NEB: variants seen among roughly 807,000 people sequenced by gnomAD.
NEB encodes the protein nebulin.
A neutral mutation model predicts 952.2 loss-of-function variants in NEB; 512 were observed. The observed-to-expected ratio is 0.54, with a 90% CI of 0.50 to 0.58. NEB has a LOEUF of 0.58. Ranked by LOEUF, NEB falls within the 20% of genes least tolerant of loss-of-function variation. The probability of loss-of-function intolerance (pLI) is 0.00; values close to 1 mark genes in which losing one functional copy is unlikely to be tolerated. For synonymous variants in NEB, 2,900 were observed against 3,149.8 expected (o/e 0.92, Z 2.66); for missense variants, 8,428 against 9,231.1 (o/e 0.91, Z 3.56).
intron 129 of NEB, 137 bp from the exon 130 acceptor site, chr2:151,549,877 G>A: frequency 2.0e-5 from 12 of 611,312 alleles, no homozygotes; most frequent in African/African-American, 1.8e-5. Context: ...TTGATTTCAG[G>A]AGAGAATTAA....
At chr2:151,524,200 C>T (rs2083931103) in intron 153 of NEB, 111 bp downstream of exon 153, 3 of 884,960 alleles carry the variant, frequency 3.4e-6, no homozygotes, top group Non-Finnish European at 5.3e-6. Context: ...CTTTGCAGTA[C>T]TATTACAGAC....
At chr2:151,712,350 T>C (rs570993272) in intron 10 of NEB, among the ~76,000 whole-genome samples, 51 of 152,312 alleles carry the variant, frequency 3.3e-4, no homozygotes, top group Non-Finnish European at 5.7e-4. Flanking sequence ...ATTGCATATG[T>C]AGATTTGTTA....
At chr2:151,564,952 A>G in intron 117 of NEB, 92 bp downstream of exon 117, 1 of 701,916 alleles carries the variant, frequency 1.4e-6, no homozygotes, top group South Asian at 2.1e-5. Context: ...TTGGCTTATA[A>G]GTTCAGCAGT....
Position 151,717,498 on chromosome 2 carries a change from GC to G in NEB, c.739del (p.Ala247LeufsTer16), listed in dbSNP as rs2150350376. 6.2e-7 allele frequency: 1 copy of G among 1,613,808 alleles called. No homozygotes were observed. Among genetic ancestry groups the G allele is most frequent in the South Asian group, 1.1e-5 (1 of 91,022 alleles). ...LSDVAYKKGL[A>X]EQQAQFTPLA... ...AGGCGTGAATTGAGCTTGCTGTTCA[GC>G]GAGACCTTTTTTGTAGGCAACCTGA... On this transcript the variant is annotated frameshift_variant, in exon 10 of 182. Transcript: ENST00000397345. LOFTEE classifies it high-confidence loss of function.
At chr2:151,499,431 T>C in intron 168 of NEB, 41 bp from the exon 169 acceptor site, 3 of 1,115,406 alleles carry the variant, frequency 2.7e-6, no homozygotes, top group Non-Finnish European at 4.0e-6. Flanking sequence ...ACAAGAGCAG[T>C]CAAAACAGCC....
At chr2:151,656,510 A>G (rs770539084) in intron 48 of NEB, 46 bp from the exon 49 acceptor site, 1 of 1,293,256 alleles carries the variant, frequency 7.7e-7, no homozygotes, top group Non-Finnish European at 1.0e-6. Context: ...TCCTTTGACT[A>G]AAAATCGATC....
At chr2:151,675,724 C>T (rs1008815708) in intron 34 of NEB, among the ~76,000 whole-genome samples, 1 of 152,088 alleles carries the variant, frequency 6.6e-6, no homozygotes, top group African/African-American at 2.4e-5. Context: ...GTTAATAGCT[C>T]TTCCATTTTT....
At chr2:151,716,747 C>T (rs2099760219) in intron 10 of NEB, among the ~76,000 whole-genome samples, 1 of 152,088 alleles carries the variant, frequency 6.6e-6, no homozygotes, top group Non-Finnish European at 1.5e-5. Context: ...AACAAACTGA[C>T]ACTCATCTCC....
chr2:151,684,959 T>C lies in NEB; in HGVS notation c.2654A>G (p.Asp885Gly), dbSNP rs766674333. 6.2e-7 allele frequency: 1 copy of C among 1,608,284 alleles called. No homozygotes were observed. The highest frequency in any genetic ancestry group is 8.5e-7 in the Non-Finnish European group (1 of 1,177,022). Residue 885 changes from aspartate to glycine, a missense_variant, in exon 28 of 182, where the codon GAT becomes GGT. Physicochemically the swap from Asp to Gly is moderately conservative, Grantham distance 94. This residue lies in a region of NEB where 2,851 missense variants were observed against 2,791.5 expected (regional missense o/e 1.02). Transcript: ENST00000397345. The part of the protein sequence containing the change: ...KNQSDREYRK[D>G]YEKSKTIYTA... Reference sequence around the variant, plus strand: ...GTAGATAGTTTTTGACTTTTCATAATCTTTTCGATATTCGCGCTGTGAATA... The same window carrying C: ...GTAGATAGTTTTTGACTTTTCATAACCTTTTCGATATTCGCGCTGTGAATA...
In NEB at chr2:151,512,281, AC is replaced by A. The variant is rs924927335; in HGVS notation, c.23346+451del. 9.3e-5 allele frequency among the ~76,000 whole-genome samples: 14 copies of A among 151,156 alleles called. No homozygotes were observed. The East Asian group carries it at 9.7e-4, about 10-fold the overall frequency. Reference sequence around the variant, plus strand: ...GATCTCCTGACCTTGTGATCCACCCACCTCGGCCTCCCAAAGTGCTGGGAAT... The same window carrying A: ...GATCTCCTGACCTTGTGATCCACCCACTCGGCCTCCCAAAGTGCTGGGAAT... On this transcript the variant is annotated intron_variant, in intron 161 of 181. Coordinates refer to ENST00000397345, the MANE Select transcript of NEB (RefSeq NM_001164508.2).
chr2:151,509,357 T>C (rs1294099748), intron 161 of NEB, among the ~76,000 whole-genome samples: 1 of 151,646 alleles, frequency 6.6e-6, no homozygotes, highest in Non-Finnish European at 1.5e-5. Context: ...GGGAAAAGAA[T>C]AGAAACAATC....
chr2:151,499,388 C>A lies in NEB; in HGVS notation c.24024G>T (p.Val8008=), dbSNP rs2062732152. 1 of 1,518,030 alleles carries A rather than the reference C, an allele frequency of 6.6e-7. No homozygotes were observed. 94.0% of individuals were successfully genotyped at this position (1,518,030 alleles called of 1,614,324 possible). Residue 8008 remains valine (V), a splice_region_variant and synonymous_variant, in exon 169 of 182, where the codon GTG becomes GTT. Transcript: ENST00000397345. The part of the protein sequence containing the change: ...VKLNQENFSS[V]LYKENVGKGI... ...CTTTTCCAACGTTTTCTTTATACAA[C>A]ACCTGTATGACACAAGAAAGCATCC...
chr2:151,552,216 C>A (rs1354215463), intron 128 of NEB, among the ~76,000 whole-genome samples: 1 of 152,104 alleles, frequency 6.6e-6, no homozygotes, highest in African/African-American at 2.4e-5. Context: ...TCCTTACGTC[C>A]CCATTTTATG....
At chr2:151,552,315 C>A (rs1240554295) in intron 128 of NEB, among the ~76,000 whole-genome samples, 1 of 152,184 alleles carries the variant, frequency 6.6e-6, no homozygotes, top group Non-Finnish European at 1.5e-5. Flanking sequence ...CTCCACAACT[C>A]TAACTCCAGA....
chr2:151,505,577 A>T lies in NEB; in HGVS notation c.23650-7T>A, dbSNP rs771206029. ...TTGCTTCCTTATACTTCACCTGCAG[A>T]TTTAAAAATGGGAAAAGAAAGGTAT... is the stretch of plus-strand genomic sequence containing the variant. On this transcript the variant is annotated splice_polypyrimidine_tract_variant and splice_region_variant and intron_variant, in intron 164 of 181. Coordinates refer to ENST00000397345, the MANE Select transcript of NEB (RefSeq NM_001164508.2). 5 of 1,607,264 alleles carry T rather than the reference A, an allele frequency of 3.1e-6. No individual in the cohort carries two copies. The Admixed American group carries it at 6.7e-5, about 21-fold the overall frequency.
intron 169 of NEB, among the ~76,000 whole-genome samples, chr2:151,498,981 C>G (rs1220740066): frequency 6.6e-6 from 1 of 151,892 alleles, no homozygotes; most frequent in Non-Finnish European, 1.5e-5. Flanking sequence ...CGGATCTTTG[C>G]AAAATACATT....
At position 151,619,819 on chromosome 2, in the gene NEB, T is replaced by C. The variant is rs997548171; in HGVS notation, c.10561-57A>G. The C allele has an allele frequency of 8.5e-6, 13 of 1,526,236 alleles. No individual in the cohort carries two copies. In the African/African-American group the frequency reaches 1.6e-4, roughly 19 times the overall value. 94.5% of individuals were successfully genotyped at this position (1,526,236 alleles called of 1,614,324 possible). On this transcript the variant is annotated intron_variant, in intron 72 of 181. Coordinates refer to ENST00000397345, the MANE Select transcript of NEB (RefSeq NM_001164508.2). ...AGCACAAAGGGCTATTCCCTGTTGT[T>C]CTTTCTGTGGTGGTGCTTTCTATGA...
rs1286006743 is a variant in NEB at position 151,620,960 on chromosome 2, G to A, written c.10519C>T (p.Pro3507Ser). The change falls in exon 72 of 182, where the codon CCC (proline) becomes TCC (serine). Residue 3507 changes from proline to serine, a missense_variant. By Grantham distance (74) the Pro-to-Ser change is moderately conservative. This residue lies in a region of NEB where 1,772 missense variants were observed against 1,960.3 expected (regional missense o/e 0.90). Coordinates refer to ENST00000397345, the MANE Select transcript of NEB (RefSeq NM_001164508.2). The part of the protein sequence containing the change: ...EGYDLRSDAI[P>S]IVAAKASRDI... ...CGAGAGGCCTTGGCAGCCACAATGGGAATGGCATCACTTCTCAAGTCATAG... is the reference window on the plus strand; with the variant it reads ...CGAGAGGCCTTGGCAGCCACAATGGAAATGGCATCACTTCTCAAGTCATAG... 6.2e-7 allele frequency: 1 copy of A among 1,612,962 alleles called. No individual in the cohort carries two copies. The highest frequency in any genetic ancestry group is 1.7e-5 in the Admixed American group (1 of 59,906).
chr2:151,648,420 T>A (rs1424937513), intron 54 of NEB, among the ~76,000 whole-genome samples: 2 of 152,244 alleles, frequency 1.3e-5, no homozygotes, highest in Non-Finnish European at 2.9e-5. Flanking sequence ...CCCTTTTGGA[T>A]TTAGTAACAC....
Sources: gnomAD v4.1 joint callset for allele counts (sites outside exome capture counted in the v4.1 genomes callset) on GRCh38, gnomAD v4.1.1 for gene constraint, gnomAD v4.1.1 regional missense constraint, MANE v1.5 for transcripts, NCBI Gene and HGNC (gene_info 2026-07-23, HGNC 2026-07-21) for gene names.